TMEM132D: variants seen among roughly 807,000 people sequenced by gnomAD.
TMEM132D encodes the protein transmembrane protein 132D, also known as mature OL transmembrane protein.
In TMEM132D, 21 loss-of-function variants were observed where a neutral mutation model predicts 62.3. The ratio of observed to expected loss-of-function variants is 0.34; its 90% confidence interval spans 0.24 to 0.49. The LOEUF is 0.49. TMEM132D is among the 20% of genes least tolerant of loss of function. The probability of loss-of-function intolerance (pLI) is 0.99; values close to 1 mark genes in which losing one functional copy is unlikely to be tolerated. For missense variants in TMEM132D, 1,346 were observed against 1,402.8 expected, an observed-to-expected ratio of 0.96 and a Z score of 0.65; for synonymous variants, 621 against 575.6, an observed-to-expected ratio of 1.08 and a Z score of -1.13.
intron 1 of TMEM132D, among the ~76,000 whole-genome samples, chr12:129,806,451 C>A (rs1871983953): frequency 7.6e-6 from 1 of 131,292 alleles, no homozygotes; most frequent in African/African-American, 2.8e-5. Flanking sequence ...GAACAAAAAA[C>A]CAAACACCGC....
chr12:129,747,958 G>A (rs1382222226), intron 1 of TMEM132D, among the ~76,000 whole-genome samples: 6 of 152,264 alleles, frequency 3.9e-5, no homozygotes, highest in Admixed American at 6.5e-5. Context: ...CAGGCGACGC[G>A]TATTTGCTTA....
At chr12:129,733,294 T>C (rs1018653060) in intron 1 of TMEM132D, among the ~76,000 whole-genome samples, 9 of 152,138 alleles carry the variant, frequency 5.9e-5, no homozygotes, top group African/African-American at 2.2e-4. Flanking sequence ...CCTTAGCCTG[T>C]AGGGTCAGTG....
chr12:129,497,433 A>G (rs1162409301), intron 3 of TMEM132D, among the ~76,000 whole-genome samples: 1 of 152,198 alleles, frequency 6.6e-6, no homozygotes, highest in Admixed American at 6.5e-5. Flanking sequence ...GAGCACAGCA[A>G]TGCTGTTCCC....
chr12:129,642,884 G>A (rs1388351955), intron 2 of TMEM132D, among the ~76,000 whole-genome samples: 4 of 146,844 alleles, frequency 2.7e-5, no homozygotes, highest in African/African-American at 7.5e-5. Context: ...CAACAATGGA[G>A]AATTTCTCCA....
intron 3 of TMEM132D, among the ~76,000 whole-genome samples, chr12:129,505,874 A>G (rs905794889): frequency 5.3e-5 from 8 of 152,288 alleles, no homozygotes; most frequent in African/African-American, 1.9e-4. Flanking sequence ...TTTGCATGGA[A>G]TGTCTTTTTC....
chr12:129,387,921 C>G (rs1270406682), intron 3 of TMEM132D, among the ~76,000 whole-genome samples: 1 of 87,874 alleles, frequency 1.1e-5, no homozygotes, highest in East Asian at 2.9e-4. Context: ...ACACTAACAG[C>G]AACACCAATA....
intron 1 of TMEM132D, among the ~76,000 whole-genome samples, chr12:129,818,938 G>A (rs1284524335): frequency 6.6e-6 from 1 of 152,004 alleles, no homozygotes; most frequent in Non-Finnish European, 1.5e-5. Context: ...AGGAGGCTGA[G>A]GTGGGAGGAT....
intron 1 of TMEM132D, among the ~76,000 whole-genome samples, chr12:129,785,270 C>T (rs757798440): frequency 1.9e-4 from 29 of 152,210 alleles, no homozygotes; most frequent in Non-Finnish European, 3.7e-4. Context: ...ATGTACTCCT[C>T]GCTCTACTTA....
rs555459424 is a variant in TMEM132D at position 129,277,995 on chromosome 12, G to A, written c.1299+59639C>T. On this transcript the variant is annotated intron_variant, in intron 4 of 8. Coordinates refer to ENST00000422113, the MANE Select transcript of TMEM132D (RefSeq NM_133448.3). This position sits in a 1 kb window ranked among gnomAD's most constrained non-coding sequence, Gnocchi z 4.2. ...AAACTCCAAGCTTGAATGAGAGATCGGGGAGCCCAGAACCAAGCCAGGAAT... is the reference window on the plus strand; with the variant it reads ...AAACTCCAAGCTTGAATGAGAGATCAGGGAGCCCAGAACCAAGCCAGGAAT... Among the ~76,000 whole-genome samples, 310 of 152,218 alleles carry A rather than the reference G, an allele frequency of 2.0e-3. No homozygotes were observed. The highest frequency in any genetic ancestry group is 3.8e-3 in the Non-Finnish European group (261 of 68,010).
chr12:129,078,789 C>T (rs2135611897), intron 7 of TMEM132D, 64 bp from the exon 8 acceptor site: 2 of 1,560,630 alleles, frequency 1.3e-6, no homozygotes, highest in African/African-American at 1.3e-5. Context: ...CCTCCAGTCA[C>T]AGGAGGAAGT....
chr12:129,590,542 G>A (rs140127952), intron 2 of TMEM132D, among the ~76,000 whole-genome samples: 5 of 152,302 alleles, frequency 3.3e-5, no homozygotes, highest in South Asian at 2.1e-4. Flanking sequence ...TGAATAGGAC[G>A]CAGAATTGTG....
chr12:129,877,591 T>C (rs149453016), intron 1 of TMEM132D, among the ~76,000 whole-genome samples: 367 of 151,190 alleles, frequency 2.4e-3, no homozygotes, highest in African/African-American at 8.6e-3. Flanking sequence ...TAATAATACC[T>C]ATTAACCAAA....
At chr12:129,173,202 G>A (rs746263467) in intron 5 of TMEM132D, among the ~76,000 whole-genome samples, 6 of 152,172 alleles carry the variant, frequency 3.9e-5, no homozygotes, top group Admixed American at 6.5e-5. Context: ...CAGAGTTGCC[G>A]TGAACCTTCA....
chr12:129,443,230 G>A (rs558220227), intron 3 of TMEM132D, among the ~76,000 whole-genome samples: 11 of 152,274 alleles, frequency 7.2e-5, no homozygotes, highest in Non-Finnish European at 1.3e-4. Flanking sequence ...CCATCTCAGA[G>A]CCTGCTTCCT....
intron 5 of TMEM132D, among the ~76,000 whole-genome samples, chr12:129,166,692 CACACA>C (rs2135544189): frequency 7.4e-6 from 1 of 135,668 alleles, no homozygotes; most frequent in African/African-American, 2.9e-5. Flanking sequence ...TACACATACA[CACACA>C]CACACACACA....
At chr12:129,753,787 T>C (rs1870075712) in intron 1 of TMEM132D, among the ~76,000 whole-genome samples, 2 of 152,348 alleles carry the variant, frequency 1.3e-5, no homozygotes, top group African/African-American at 2.4e-5. Context: ...GGAATCTCTA[T>C]GCATGCAGGG....
rs545309522 is a variant in TMEM132D, at chr12:129,681,834, T to C, written c.968+17976A>G. On this transcript the variant is annotated intron_variant, in intron 2 of 8. Transcript: ENST00000422113. ...GTGGGAGGGGACTCTGCAGCTGTGA[T>C]TGGATGCACTGAGCTGATTTTTGGA... Among the ~76,000 whole-genome samples the C allele has an allele frequency of 4.6e-5, 7 of 152,334 alleles. No individual in the cohort carries two copies. The South Asian group carries it at 8.3e-4, about 18-fold the overall frequency.
intron 5 of TMEM132D, among the ~76,000 whole-genome samples, chr12:129,099,499 T>G (rs10459113): frequency 0.03 from 4,582 of 152,264 alleles, 287 homozygotes; most frequent in East Asian, 0.16. Flanking sequence ...GCCCTTCAGA[T>G]GCCCCCTCAC....
chr12:129,708,673 T>A (rs1881566184), intron 1 of TMEM132D, among the ~76,000 whole-genome samples: 1 of 69,032 alleles, frequency 1.4e-5, no homozygotes, highest in African/African-American at 4.2e-5. Flanking sequence ...CTCATTTAAC[T>A]AGGAATTCCA....
Sources: gnomAD v4.1 joint callset for allele counts (sites outside exome capture counted in the v4.1 genomes callset) on GRCh38, gnomAD v4.1.1 for gene constraint, Gnocchi (gnomAD v3.1) non-coding constraint, MANE v1.5 for transcripts, NCBI Gene and HGNC (gene_info 2026-07-23, HGNC 2026-07-21) for gene names.